The following GALNT17 variants were observed in gnomAD, a reference collection of about 807,000 sequenced individuals.
The protein encoded by GALNT17 is polypeptide N-acetylgalactosaminyltransferase 17, also known as UDP-GalNAc:polypeptide N-acetylgalactosaminyltransferase-like 3.
Under a neutral mutation model 63.7 loss-of-function variants are expected in GALNT17, and 29 were observed. The observed-to-expected ratio is 0.46, with a 90% CI of 0.34 to 0.62. The LOEUF (loss-of-function observed/expected upper bound fraction) is 0.62, where lower values mean the gene tolerates loss of function less well. Ranked by LOEUF, GALNT17 falls within the 20% of genes least tolerant of loss-of-function variation. GALNT17 has a pLI of 0.01. For synonymous variants in GALNT17, 305 were observed against 318.3 expected, an observed-to-expected ratio of 0.96 and a Z score of 0.45; for missense variants, 603 against 799.6, an observed-to-expected ratio of 0.75 and a Z score of 2.97.
At chr7:71,415,224 T>C (rs1793503468) in intron 3 of GALNT17, among the ~76,000 whole-genome samples, 1 of 152,192 alleles carries the variant, frequency 6.6e-6, no homozygotes, top group African/African-American at 2.4e-5. Context: ...GTTTCAGCTC[T>C]CCCGTTAGCC....
chr7:71,231,231 T>G (rs1045756544), intron 1 of GALNT17, among the ~76,000 whole-genome samples: 4 of 132,438 alleles, frequency 3.0e-5, no homozygotes, highest in Admixed American at 7.9e-5. Flanking sequence ...ATTTTTGCTG[T>G]TTTTTTTTTT....
intron 1 of GALNT17, among the ~76,000 whole-genome samples, chr7:71,324,795 A>G (rs1791676848): frequency 6.6e-6 from 1 of 152,232 alleles, no homozygotes; most frequent in Non-Finnish European, 1.5e-5. Context: ...GAATTTAAAA[A>G]TATACATATA....
chr7:71,400,639 A>G (rs1336625257), intron 3 of GALNT17, among the ~76,000 whole-genome samples: 2 of 152,240 alleles, frequency 1.3e-5, no homozygotes, highest in Non-Finnish European at 2.9e-5. Flanking sequence ...ATTTTTATAT[A>G]AAGTGTAAGA....
chr7:71,671,741 C>T (rs1459411227), intron 8 of GALNT17, among the ~76,000 whole-genome samples: 2 of 152,166 alleles, frequency 1.3e-5, no homozygotes, highest in East Asian at 3.9e-4. Flanking sequence ...CGGTACCTGG[C>T]ATGGCCAAGC....
chr7:71,690,150 G>A (rs1187862828), intron 9 of GALNT17, among the ~76,000 whole-genome samples: 14 of 151,422 alleles, frequency 9.2e-5, no homozygotes, highest in Non-Finnish European at 1.9e-4. Flanking sequence ...TCAGCCTCCC[G>A]AGTAGCTGGG....
chr7:71,622,474 G>A (rs977438305), intron 6 of GALNT17, among the ~76,000 whole-genome samples: 3 of 152,118 alleles, frequency 2.0e-5, no homozygotes, highest in African/African-American at 7.2e-5. Flanking sequence ...AGCCCTCTGG[G>A]TGTCTGTCTT....
chr7:71,711,649 C>A (rs756212374), intron 10 of GALNT17, among the ~76,000 whole-genome samples: 6 of 150,538 alleles, frequency 4.0e-5, no homozygotes, highest in Non-Finnish European at 7.4e-5. Context: ...TCTTTTTTCT[C>A]TCTCCCCTTT....
chr7:71,679,409 A>C (rs1238290641), intron 9 of GALNT17, among the ~76,000 whole-genome samples: 2 of 152,058 alleles, frequency 1.3e-5, no homozygotes, highest in African/African-American at 4.8e-5. Flanking sequence ...AAAAGAAAAA[A>C]ATAAGTGCAC....
intron 2 of GALNT17, among the ~76,000 whole-genome samples, chr7:71,359,591 A>C (rs968750024): frequency 2.7e-5 from 4 of 146,190 alleles, no homozygotes; most frequent in Non-Finnish European, 4.5e-5. Context: ...AGTGGGTATA[A>C]TTTTTTTTTT....
intron 5 of GALNT17, among the ~76,000 whole-genome samples, chr7:71,501,043 C>T (rs776079897): frequency 1.3e-5 from 2 of 152,148 alleles, no homozygotes; most frequent in African/African-American, 2.4e-5. Context: ...GATCTTAGCT[C>T]ACTGCAACTT....
chr7:71,373,598 T>A (rs1792667310), intron 2 of GALNT17, among the ~76,000 whole-genome samples: 1 of 152,028 alleles, frequency 6.6e-6, no homozygotes, highest in Non-Finnish European at 1.5e-5. Context: ...CATCCCTCAC[T>A]TGAGCTCTGG....
rs11297482 is a variant in GALNT17, at chr7:71,267,367, G to GT, written c.239-68167dup. The stretch of plus-strand genomic sequence containing the variant: ...ATATCTCCTGTTAAGGGATTTTCTA[G>GT]TTTTTTTTTTTTTTTTCTTCTAGGA... On this transcript the variant is annotated intron_variant, in intron 1 of 10. Coordinates refer to ENST00000333538, the MANE Select transcript of GALNT17 (RefSeq NM_022479.3). Among the ~76,000 whole-genome samples, 251 of 146,372 alleles carry GT rather than the reference G, an allele frequency of 1.7e-3. 1 individual carries two copies. Among genetic ancestry groups the GT allele is most frequent in the Middle Eastern group, 7.1e-3 (2 of 280 alleles).
At chr7:71,141,529 G>A (rs1787891446) in intron 1 of GALNT17, among the ~76,000 whole-genome samples, 1 of 152,078 alleles carries the variant, frequency 6.6e-6, no homozygotes, top group Non-Finnish European at 1.5e-5. Context: ...TATAGCATAA[G>A]CATGAAACCC....
intron 9 of GALNT17, among the ~76,000 whole-genome samples, chr7:71,694,534 T>C (rs191585147): frequency 1.3e-5 from 2 of 152,170 alleles, no homozygotes; most frequent in East Asian, 1.9e-4. Flanking sequence ...TAGCTGTGAT[T>C]ACAGATGTGC....
chr7:71,225,353 G>A (rs570955135), intron 1 of GALNT17, among the ~76,000 whole-genome samples: 2 of 152,250 alleles, frequency 1.3e-5, no homozygotes, highest in East Asian at 1.9e-4. Flanking sequence ...TATCTGAGTC[G>A]ATCTGCAAAT....
intron 5 of GALNT17, among the ~76,000 whole-genome samples, chr7:71,485,805 C>T (rs1787899192): frequency 6.6e-6 from 1 of 152,182 alleles, no homozygotes; most frequent in African/African-American, 2.4e-5. Flanking sequence ...TGAAATCCAT[C>T]AGTCTGAAAA....
At chr7:71,575,856 G>A (rs1277216072) in intron 6 of GALNT17, among the ~76,000 whole-genome samples, 1 of 152,128 alleles carries the variant, frequency 6.6e-6, no homozygotes, top group East Asian at 1.9e-4. Context: ...TAGGGCTCTT[G>A]CCTGCATGAA....
chr7:71,406,604 A>C (rs985778058), intron 3 of GALNT17, among the ~76,000 whole-genome samples: 3 of 152,158 alleles, frequency 2.0e-5, no homozygotes, highest in South Asian at 4.1e-4. Flanking sequence ...TTTAAAGATA[A>C]TATTTTAAAA....
intron 1 of GALNT17, among the ~76,000 whole-genome samples, chr7:71,308,351 T>C (rs894710386): frequency 7.3e-4 from 111 of 152,238 alleles, no homozygotes; most frequent in Admixed American, 3.8e-3. Flanking sequence ...GACTGTTCGG[T>C]TTCCATTCTC....
Sources: allele counts gnomAD v4.1 joint callset (sites outside exome capture counted in the v4.1 genomes callset), GRCh38; gene constraint gnomAD v4.1.1; transcripts MANE v1.5; gene names NCBI Gene and HGNC (gene_info 2026-07-23, HGNC 2026-07-21).